The following LCOR variants were observed in gnomAD, a reference collection of about 807,000 sequenced individuals.
The protein encoded by LCOR is ligand dependent nuclear receptor corepressor.
A neutral mutation model predicts 64.4 loss-of-function variants in LCOR; 14 were observed. That is an observed-to-expected ratio of 0.22 (90% CI 0.14 to 0.34). The LOEUF (loss-of-function observed/expected upper bound fraction) is 0.34. Among genes scored for constraint, LCOR ranks in the 10% least tolerant of loss-of-function variants. The pLI is 1.00. For synonymous variants in LCOR, 643 were observed against 642.5 expected, an observed-to-expected ratio of 1.00 and a Z score of -0.01; for missense variants, 1,686 against 1,765.3, an observed-to-expected ratio of 0.96 and a Z score of 0.80.
At chr10:96,836,090 A>G (rs1400327983) in intron 2 of LCOR, among the ~76,000 whole-genome samples, 1 of 152,220 alleles carries the variant, frequency 6.6e-6, no homozygotes, top group African/African-American at 2.4e-5. Context: ...AGCTTGGCTA[A>G]AAATAGGACA....
chr10:96,951,355 A>G (rs577418222), intron 6 of LCOR, among the ~76,000 whole-genome samples: 5 of 152,258 alleles, frequency 3.3e-5, no homozygotes, highest in African/African-American at 1.2e-4. Context: ...AGACAGTTTC[A>G]TTCTTCTTTC....
intron 4 of LCOR, among the ~76,000 whole-genome samples, chr10:96,927,368 T>C (rs911042157): frequency 6.6e-6 from 1 of 152,104 alleles, no homozygotes; most frequent in African/African-American, 2.4e-5. Context: ...TAATTCTTTA[T>C]ATATTTTGTA....
At chr10:96,912,872 ACTT>A (rs920562102) in intron 4 of LCOR, among the ~76,000 whole-genome samples, 10 of 151,224 alleles carry the variant, frequency 6.6e-5, no homozygotes, top group Admixed American at 3.3e-4. Flanking sequence ...GTAAGGAAGA[ACTT>A]CTCTTTTCTC....
At chr10:96,912,180 C>T (rs796114402) in intron 4 of LCOR, among the ~76,000 whole-genome samples, 9 of 152,224 alleles carry the variant, frequency 5.9e-5, no homozygotes, top group South Asian at 2.1e-4. Context: ...GCAATCCACC[C>T]GCCTCGGCCT....
Position 96,982,299 on chromosome 10 carries a change from C to G in LCOR, c.1839C>G (p.Ala613=). The G allele has an allele frequency of 1.2e-6, 2 of 1,614,242 alleles. No homozygotes were observed. Among genetic ancestry groups the G allele is most frequent in the Non-Finnish European group, 1.7e-6 (2 of 1,180,048 alleles). The part of the protein sequence containing the change: ...SSSPRSEETT[A]SSLVWPLPAH... ...CCCCTAGGTCAGAGGAAACGACAGC[C>G]TCCAGCCTGGTGTGGCCTCTCCCTG... The change falls in exon 8 of 8, where the codon GCC becomes GCG. Residue 613 remains alanine (A), a synonymous_variant. Coordinates refer to ENST00000421806, the MANE Select transcript of LCOR (RefSeq NM_001346516.2).
intron 7 of LCOR, among the ~76,000 whole-genome samples, chr10:96,976,093 T>A (rs1316825117): frequency 6.6e-6 from 1 of 152,154 alleles, no homozygotes; most frequent in Non-Finnish European, 1.5e-5. Flanking sequence ...GGTGGGGTAG[T>A]TTTGAGCTGG....
At chr10:96,966,690 GT>G (rs1847954462) in intron 7 of LCOR, among the ~76,000 whole-genome samples, 1 of 152,136 alleles carries the variant, frequency 6.6e-6, no homozygotes, top group South Asian at 2.1e-4. Flanking sequence ...CTTCTAAAAG[GT>G]AAGCATTTTA....
intron 2 of LCOR, among the ~76,000 whole-genome samples, chr10:96,865,940 A>G (rs1845964395): frequency 6.6e-6 from 1 of 151,736 alleles, no homozygotes; most frequent in Non-Finnish European, 1.5e-5. Flanking sequence ...GTTTGCTAAT[A>G]TCCTTTTCTG....
In LCOR at chr10:96,882,241, T is replaced by C. The variant is rs12261216; in HGVS notation, c.-329-25024T>C. ...AATGTATGGGTTAACAGAAGGTAACTGAATTCTTACATCTGCTTTTTCATT... is the reference window on the plus strand; with the variant it reads ...AATGTATGGGTTAACAGAAGGTAACCGAATTCTTACATCTGCTTTTTCATT... On this transcript the variant is annotated intron_variant, in intron 2 of 7. Transcript: ENST00000421806. 2.0e-3 allele frequency among the ~76,000 whole-genome samples: 301 copies of C among 152,364 alleles called. 1 individual carries two copies. The highest frequency in any genetic ancestry group is 6.8e-3 in the African/African-American group (283 of 41,596).
chr10:96,923,495 C>CT (rs1170042512), intron 4 of LCOR, among the ~76,000 whole-genome samples: 1 of 152,182 alleles, frequency 6.6e-6, no homozygotes, highest in Non-Finnish European at 1.5e-5. Context: ...TGTTTCCTCT[C>CT]TTGAGGTCTT....
chr10:96,947,525 G>A (rs995414542), intron 5 of LCOR, among the ~76,000 whole-genome samples: 3 of 152,036 alleles, frequency 2.0e-5, no homozygotes, highest in Non-Finnish European at 4.4e-5. Context: ...AAAATACTGT[G>A]GGTAAAGTTA....
intron 7 of LCOR, among the ~76,000 whole-genome samples, chr10:96,974,409 TAC>T (rs1393293924): frequency 6.6e-6 from 1 of 152,234 alleles, no homozygotes; most frequent in Non-Finnish European, 1.5e-5. Flanking sequence ...ACTTGACTAT[TAC>T]AGAGTCCTCT....
chr10:96,941,688 G>A (rs1847483588), intron 4 of LCOR, among the ~76,000 whole-genome samples: 2 of 151,134 alleles, frequency 1.3e-5, no homozygotes, highest in African/African-American at 2.4e-5. Flanking sequence ...TCTCAGACGG[G>A]GCGGTTGCTA....
chr10:96,889,684 G>A (rs546775942), intron 2 of LCOR, among the ~76,000 whole-genome samples: 3 of 152,266 alleles, frequency 2.0e-5, no homozygotes, highest in East Asian at 1.9e-4. Context: ...GGGTTAGGGC[G>A]TTAACATGAA....
intron 4 of LCOR, among the ~76,000 whole-genome samples, chr10:96,918,652 A>G (rs1375468760): frequency 6.6e-6 from 1 of 152,212 alleles, no homozygotes; most frequent in Non-Finnish European, 1.5e-5. Context: ...TTGTAAGAGA[A>G]CCAACAAGGT....
intron 2 of LCOR, among the ~76,000 whole-genome samples, chr10:96,857,378 T>C (rs1256241224): frequency 6.6e-6 from 1 of 152,228 alleles, no homozygotes; most frequent in Non-Finnish European, 1.5e-5. Flanking sequence ...TTTTGATAGA[T>C]GTTAATTTTA....
rs1845347692 is a variant in LCOR at position 96,832,307 on chromosome 10, C to A, written c.-496C>A. 1.0e-6 allele frequency: 1 copy of A among 982,260 alleles called. No individual in the cohort carries two copies. The highest frequency in any genetic ancestry group is 1.8e-5 in the African/African-American group (1 of 56,994). 60.8% of individuals were successfully genotyped at this position (982,260 alleles called of 1,614,324 possible). On this transcript the variant is annotated 5_prime_UTR_variant, in exon 1 of 8. Transcript: ENST00000421806. ...GGGCCGGGCGGGCGGCAGAAGATGG[C>A]GAGGGTGTGTAGGCGGCAGCAATGC...
chr10:96,833,713 T>C (rs1421918881), intron 2 of LCOR, among the ~76,000 whole-genome samples: 1 of 152,238 alleles, frequency 6.6e-6, no homozygotes, highest in African/African-American at 2.4e-5. Flanking sequence ...ACCAGGTCTT[T>C]CCCGGCAGAA....
intron 2 of LCOR, among the ~76,000 whole-genome samples, chr10:96,889,810 G>T (rs1185756779): frequency 2.0e-5 from 3 of 152,144 alleles, no homozygotes; most frequent in African/African-American, 7.2e-5. Context: ...GTGGACATTT[G>T]AGTGTTTCCG....
Sources: allele counts gnomAD v4.1 joint callset (sites outside exome capture counted in the v4.1 genomes callset), GRCh38; gene constraint gnomAD v4.1.1; transcripts MANE v1.5; gene names NCBI Gene and HGNC (gene_info 2026-07-23, HGNC 2026-07-21).